PIGO: variants seen among roughly 807,000 people sequenced by gnomAD.
The protein encoded by PIGO is phosphatidylinositol glycan anchor biosynthesis class O.
Under a neutral mutation model 86.9 loss-of-function variants are expected in PIGO, and 66 were observed. The observed-to-expected ratio is 0.76, with a 90% CI of 0.62 to 0.93. PIGO has a LOEUF of 0.93. Among genes scored for constraint, PIGO ranks in the 40% least tolerant of loss-of-function variants. The pLI is 0.00. For synonymous variants in PIGO, 570 were observed against 556.4 expected (o/e 1.02, Z -0.34); for missense variants, 1,202 against 1,359.1 (o/e 0.88, Z 1.82).
At chr9:35,092,881 G>A in intron 6 of PIGO, 114 bp from the exon 7 acceptor site, 2 of 1,375,240 alleles carry the variant, frequency 1.5e-6, no homozygotes, top group South Asian at 1.4e-5. Context: ...CCCAAACTCT[G>A]TCCAGAATCG....
chr9:35,090,829 C>G (rs546757061), intron 7 of PIGO, 157 bp from the exon 8 acceptor site: 4 of 728,444 alleles, frequency 5.5e-6, no homozygotes, highest in African/African-American at 5.3e-5. Flanking sequence ...TTCTGTTATT[C>G]TAATTCTCTC....
chr9:35,095,177 G>A lies in PIGO; in HGVS notation c.389C>T (p.Thr130Ile). The A allele has an allele frequency of 6.2e-7, 1 of 1,614,246 alleles. No homozygotes were observed. ...GAGGGCCTTGAGGCGCTGCATGGTG[G>A]TGGTAGGAGGGTCAACCTGAGATCG... is the stretch of plus-strand genomic sequence containing the variant. ...LYRSQVDPPT[T>I]TMQRLKALTT... Residue 130 changes from threonine (T) to isoleucine (I), a missense_variant, in exon 2 of 11, where the codon ACC becomes ATC. Physicochemically the swap from Thr to Ile is moderately conservative, Grantham distance 89 (BLOSUM62 -1). Coordinates refer to ENST00000378617, the MANE Select transcript of PIGO (RefSeq NM_032634.4).
chr9:35,090,850 A>G, intron 7 of PIGO, 178 bp from the exon 8 acceptor site: 1 of 672,512 alleles, frequency 1.5e-6, no homozygotes, highest in East Asian at 2.8e-5. Flanking sequence ...TGTGGTACAA[A>G]AGCGCCATCA....
In PIGO at chr9:35,089,147, ACT is replaced by A. The variant is rs1554671804; in HGVS notation, c.3213_3214del (p.Arg1071SerfsTer21). On this transcript the variant is annotated frameshift_variant, in exon 11 of 11. Transcript: ENST00000378617. LOFTEE classifies it high-confidence loss of function. Reference sequence around the variant, plus strand: ...GAACCAGGAGCTCACAGCACCATCCACTCTCATCACCAAAGCTATGCCCAGGA... The same window carrying A: ...GAACCAGGAGCTCACAGCACCATCCACTCATCACCAAAGCTATGCCCAGGA... 6.2e-7 allele frequency: 1 copy of A among 1,613,940 alleles called. No individual in the cohort carries two copies. Among genetic ancestry groups the A allele is most frequent in the Non-Finnish European group, 8.5e-7 (1 of 1,179,954 alleles).
In PIGO at chr9:35,091,505, A is replaced by G; in HGVS notation, c.2382T>C (p.Asp794=). The part of the protein sequence containing the change: ...SGPPTSQADL[D]YVVPQIYRHM... Reference sequence around the variant, plus strand: ...GTCGGTAGATTTGAGGGACCACATAATCCAAGTCAGCTTGAGAAGTGGGGG... The same window carrying G: ...GTCGGTAGATTTGAGGGACCACATAGTCCAAGTCAGCTTGAGAAGTGGGGG... Residue 794 remains aspartate (D), a synonymous_variant, in exon 7 of 11, where the codon GAT becomes GAC. Coordinates refer to ENST00000378617, the MANE Select transcript of PIGO (RefSeq NM_032634.4). 2 of 1,614,156 alleles carry G rather than the reference A, an allele frequency of 1.2e-6. No individual in the cohort carries two copies. Among genetic ancestry groups the G allele is most frequent in the Non-Finnish European group, 1.7e-6 (2 of 1,180,028 alleles).
At chr9:35,093,784 G>T in intron 4 of PIGO, 117 bp downstream of exon 4, 1 of 1,511,522 alleles carries the variant, frequency 6.6e-7, no homozygotes, top group Non-Finnish European at 8.9e-7. Context: ...GGAGCCTCTA[G>T]CTTCAGCAGA....
rs369714563 is a variant in PIGO at position 35,093,553 on chromosome 9, G to A, written c.807C>T (p.Asp269=). 1.3e-5 allele frequency: 21 copies of A among 1,613,346 alleles called. No homozygotes were observed. The highest frequency in any genetic ancestry group is 3.3e-4 in the Middle Eastern group (2 of 6,012). The change falls in exon 5 of 11, where the codon GAC becomes GAT. Residue 269 remains aspartate (D), a synonymous_variant. Coordinates refer to ENST00000378617, the MANE Select transcript of PIGO (RefSeq NM_032634.4). ...IQGLVERLEN[D]TLLVVAGDHG... ...GGTCCCCAGCCACTACCAGCAGTGT[G>A]TCATTCTCCAGACGCTCCACAAGTC...
At position 35,095,071 on chromosome 9, in the gene PIGO, C is replaced by T; in HGVS notation, c.495G>A (p.Lys165=). ...SHAIVEDNLI[K]QLTSAGRRVV... is the part of the protein sequence containing the mutation. ...CACACTGACCTGCACTGGTGAGCTG[C>T]TTAATGAGATTGTCTTCCACTATGG... Residue 165 remains lysine (K), a synonymous_variant, in exon 2 of 11, where the codon AAG becomes AAA. Transcript: ENST00000378617. 1 of 1,608,220 alleles carries T rather than the reference C, an allele frequency of 6.2e-7. No homozygotes were observed. Among genetic ancestry groups the T allele is most frequent in the Non-Finnish European group, 8.5e-7 (1 of 1,176,434 alleles).
In PIGO at chr9:35,095,119, A is replaced by G. The variant is rs1358181599; in HGVS notation, c.447T>C (p.Ala149=). The G allele has an allele frequency of 6.2e-7, 1 of 1,613,938 alleles. No individual in the cohort carries two copies. Among genetic ancestry groups the G allele is most frequent in the Admixed American group, 1.7e-5 (1 of 59,996 alleles). The stretch of plus-strand genomic sequence containing the variant: ...TGGCGTGGCTGGCGAAGTTACTACC[A>G]GCATCAATAAAGGTAGGCAGTGAGC... ...TTGSLPTFID[A]GSNFASHAIV... The change falls in exon 2 of 11, where the codon GCT becomes GCC. Residue 149 remains alanine (A), a synonymous_variant. Coordinates refer to ENST00000378617, the MANE Select transcript of PIGO (RefSeq NM_032634.4).
chr9:35,090,877 G>T (rs1587160645), intron 7 of PIGO: 2 of 598,306 alleles, frequency 3.3e-6, no homozygotes, highest in South Asian at 2.2e-5. Flanking sequence ...TCTGAATCCT[G>T]CTATGGCCAA....
At chr9:35,094,131 C>T in intron 3 of PIGO, 85 bp downstream of exon 3, 5 of 1,558,856 alleles carry the variant, frequency 3.2e-6, no homozygotes, top group Non-Finnish European at 4.3e-6. Flanking sequence ...GGCTGTTACA[C>T]CCATAGGTGG....
In PIGO at chr9:35,095,179, G is replaced by T. The variant is rs765968784; in HGVS notation, c.387C>A (p.Thr129=). ...GGGCCTTGAGGCGCTGCATGGTGGT[G>T]GTAGGAGGGTCAACCTGAGATCGGT... ...RLYRSQVDPP[T]TTMQRLKALT... The change falls in exon 2 of 11, where the codon ACC becomes ACA. Residue 129 remains threonine, a synonymous_variant. Coordinates refer to ENST00000378617, the MANE Select transcript of PIGO (RefSeq NM_032634.4). 8 of 1,614,218 alleles carry T rather than the reference G, an allele frequency of 5.0e-6. No individual in the cohort carries two copies. Among genetic ancestry groups the T allele is most frequent in the Admixed American group, 1.7e-5 (1 of 60,018 alleles).
In PIGO at chr9:35,095,152, G is replaced by A. The variant is rs772488111; in HGVS notation, c.414C>T (p.Leu138=). The A allele has an allele frequency of 2.4e-5, 39 of 1,614,128 alleles. No homozygotes were observed. The South Asian group carries it at 4.2e-4, about 17-fold the overall frequency. Residue 138 remains leucine (L), a synonymous_variant, in exon 2 of 11, where the codon CTC becomes CTT. Coordinates refer to ENST00000378617, the MANE Select transcript of PIGO (RefSeq NM_032634.4). ...TAAAGGTAGGCAGTGAGCCAGTGGT[G>A]AGGGCCTTGAGGCGCTGCATGGTGG... ...PTTTMQRLKA[L]TTGSLPTFID... is the part of the protein sequence containing the mutation.
In PIGO at chr9:35,089,492, G is replaced by C. The variant is rs1829319735; in HGVS notation, c.3070-42C>G. Reference sequence around the variant, plus strand: ...GGGGCCACGTTACTTGTGAAGGAGAGGAGGAAGCGGAGCAAAAGGAGAGTT... The same window carrying C: ...GGGGCCACGTTACTTGTGAAGGAGACGAGGAAGCGGAGCAAAAGGAGAGTT... On this transcript the variant is annotated intron_variant, in intron 9 of 10. Coordinates refer to ENST00000378617, the MANE Select transcript of PIGO (RefSeq NM_032634.4). 2.5e-6 allele frequency: 4 copies of C among 1,613,290 alleles called. No homozygotes were observed. The East Asian group carries it at 8.9e-5, about 36-fold the overall frequency.
intron 9 of PIGO, 65 bp from the exon 10 acceptor site, chr9:35,089,515 G>A: frequency 6.2e-7 from 1 of 1,607,702 alleles, no homozygotes; most frequent in Non-Finnish European, 8.5e-7. Flanking sequence ...CAAAAGGAGA[G>A]TTTCTATAGG....
rs79276933 is a variant in PIGO at position 35,088,825 on chromosome 9, G to C, written c.*267C>G. On this transcript the variant is annotated 3_prime_UTR_variant, in exon 11 of 11. Transcript: ENST00000378617. ...CTCCCAAAGTGCTGGGATTATAGGTGCAAGTCACCACGCCCGGCCTATTTT... is the reference window on the plus strand; with the variant it reads ...CTCCCAAAGTGCTGGGATTATAGGTCCAAGTCACCACGCCCGGCCTATTTT... 5,208 of 370,864 alleles carry C rather than the reference G, an allele frequency of 0.014. 263 individuals are homozygous for C. The highest frequency in any genetic ancestry group is 0.1 in the African/African-American group (4,841 of 48,584). The allele number at this position is 370,864 out of a possible 1,614,324, so 23.0% of individuals were successfully genotyped here. A position where few individuals can be genotyped will look rare whatever the true frequency, so the allele number is the denominator to read the frequency against.
Position 35,091,432 on chromosome 9 carries a change from C to T in PIGO, c.2455G>A (p.Gly819Ser). The change falls in exon 7 of 11, where the codon GGT becomes AGT. Residue 819 changes from glycine to serine, a missense_variant. By Grantham distance (56) the Gly-to-Ser change is moderately conservative. Coordinates refer to ENST00000378617, the MANE Select transcript of PIGO (RefSeq NM_032634.4). ...RGRLERTKSQ[G>S]PLTVAAYQLG... is the part of the protein sequence containing the mutation. The stretch of plus-strand genomic sequence containing the variant: ...TGATAAGCAGCCACAGTCAGGGGAC[C>T]CTGAGATTTGGTCCTCTCTAACCGG... 2.5e-6 allele frequency: 4 copies of T among 1,614,140 alleles called. No homozygotes were observed. Among genetic ancestry groups the T allele is most frequent in the Middle Eastern group, 1.6e-4 (1 of 6,062 alleles).
At position 35,090,184 on chromosome 9, in the gene PIGO, ACT is replaced by A; in HGVS notation, c.2949_2950del (p.Arg983SerfsTer64). ...TGGCTCCTCTTCCTCCTCGGGTCTG[ACT>A]CTGGCATCAGCTTCATTCCCTGGGG... On this transcript the variant is annotated frameshift_variant, in exon 9 of 11. Coordinates refer to ENST00000378617, the MANE Select transcript of PIGO (RefSeq NM_032634.4). LOFTEE classifies it high-confidence loss of function. 6.2e-7 allele frequency: 1 copy of A among 1,614,074 alleles called. No individual in the cohort carries two copies.
Position 35,090,142 on chromosome 9 carries a change from A to AT in PIGO, c.2992_2993insA (p.Leu998HisfsTer50), listed in dbSNP as rs1456641651. On this transcript the variant is annotated frameshift_variant, in exon 9 of 11. Coordinates refer to ENST00000378617, the MANE Select transcript of PIGO (RefSeq NM_032634.4). LOFTEE classifies it high-confidence loss of function. The stretch of plus-strand genomic sequence containing the variant: ...ATAGAAGTGCTGAGGCGCATCCCGG[A>AT]GCCGCATCTCCATCAGTGGCTCCTC... The AT allele has an allele frequency of 1.9e-6, 3 of 1,614,112 alleles. No homozygotes were observed. In the Admixed American group the frequency reaches 5.0e-5, roughly 27 times the overall value.
Sources: gnomAD v4.1 joint callset for allele counts on GRCh38, gnomAD v4.1.1 for gene constraint, MANE v1.5 for transcripts, NCBI Gene and HGNC (gene_info 2026-07-23, HGNC 2026-07-21) for gene names.